Variants in DEPDC5 observed in about 807,000 individuals in gnomAD.
The protein encoded by DEPDC5 is DEP domain containing 5, GATOR1 subcomplex subunit.
In DEPDC5, 73 loss-of-function variants were observed where a neutral mutation model predicts 217.3. That is an observed-to-expected ratio of 0.34 (90% CI 0.28 to 0.41). The LOEUF (loss-of-function observed/expected upper bound fraction) is 0.41. DEPDC5 is among the 10% of genes least tolerant of loss of function. The pLI is 1.00. For synonymous variants in DEPDC5, 733 were observed against 756.7 expected, an observed-to-expected ratio of 0.97 and a Z score of 0.51; for missense variants, 1,675 against 2,070.1, an observed-to-expected ratio of 0.81 and a Z score of 3.70.
intron 40 of DEPDC5, among the ~76,000 whole-genome samples, chr22:31,898,121 G>A (rs1252384312): frequency 3.9e-5 from 6 of 152,190 alleles, no homozygotes; most frequent in African/African-American, 1.4e-4. Context: ...GTGCAAAGCT[G>A]TGGCATGTCA....
chr22:31,781,637 C>T (rs2148375378), intron 8 of DEPDC5, among the ~76,000 whole-genome samples: 1 of 152,148 alleles, frequency 6.6e-6, no homozygotes, highest in East Asian at 1.9e-4. Context: ...ACCATGTTGC[C>T]CAGGCTGGTC....
intron 22 of DEPDC5, among the ~76,000 whole-genome samples, chr22:31,819,903 TA>T (rs1385674000): frequency 6.6e-6 from 1 of 152,160 alleles, no homozygotes; most frequent in Non-Finnish European, 1.5e-5. Flanking sequence ...TACAAGGAGT[TA>T]TGTTGTTTTG....
rs758035240 is a variant in DEPDC5 at position 31,783,955 on chromosome 22, A to G, written c.532A>G (p.Ser178Gly). 6.8e-6 allele frequency: 11 copies of G among 1,613,506 alleles called. No homozygotes were observed. In the African/African-American group the frequency reaches 1.5e-4, roughly 22 times the overall value. Residue 178 changes from serine (S) to glycine (G), a missense_variant, in exon 9 of 43, where the codon AGC becomes GGC. Coordinates refer to ENST00000651528, the MANE Select transcript of DEPDC5 (RefSeq NM_001242896.3). ...SAMVYIFIQM[S>G]CEMWDFDIYG... ...TATGGTTTACATATTTATTCAGATGAGCTGTGAAATGTGGGATTTTGATAT... is the reference window on the plus strand; with the variant it reads ...TATGGTTTACATATTTATTCAGATGGGCTGTGAAATGTGGGATTTTGATAT...
chr22:31,805,532 A>T (rs2087408541), intron 17 of DEPDC5, among the ~76,000 whole-genome samples: 1 of 145,984 alleles, frequency 6.9e-6, no homozygotes, highest in Admixed American at 6.9e-5. Flanking sequence ...ACGGAGTTTC[A>T]CTCTGTCACC....
chr22:31,792,942 C>G (rs947906980), intron 12 of DEPDC5, 125 bp downstream of exon 12: 32 of 723,770 alleles, frequency 4.4e-5, no homozygotes, highest in Non-Finnish European at 5.9e-5. Flanking sequence ...AAAAATTCGC[C>G]TCTTGTGGTC....
intron 27 of DEPDC5, among the ~76,000 whole-genome samples, chr22:31,842,313 C>T (rs2091441700): frequency 6.6e-6 from 1 of 152,244 alleles, no homozygotes; most frequent in African/African-American, 2.4e-5. Context: ...CGGTGGCTCA[C>T]GCCTGTAATC....
chr22:31,806,212 A>G lies in DEPDC5; in HGVS notation c.1287+21A>G, dbSNP rs999310575. The G allele has an allele frequency of 3.7e-6, 6 of 1,605,182 alleles. No homozygotes were observed. In the Admixed American group the frequency reaches 5.0e-5, roughly 13 times the overall value. On this transcript the variant is annotated intron_variant, in intron 18 of 42. Transcript: ENST00000651528. Reference sequence around the variant, plus strand: ...AGAAGGTAGGTTTTTATTTTTGTTAAGACGGGGTCTTATTATGTGGTCCAG... The same window carrying G: ...AGAAGGTAGGTTTTTATTTTTGTTAGGACGGGGTCTTATTATGTGGTCCAG...
At chr22:31,884,563 A>G (rs1285214230) in intron 38 of DEPDC5, among the ~76,000 whole-genome samples, 1 of 152,138 alleles carries the variant, frequency 6.6e-6, no homozygotes, top group Non-Finnish European at 1.5e-5. Context: ...TTTTAAAATC[A>G]GTTTCCTTTG....
chr22:31,877,925 C>T (rs540436250), intron 37 of DEPDC5, among the ~76,000 whole-genome samples: 79 of 151,974 alleles, frequency 5.2e-4, no homozygotes, highest in Non-Finnish European at 9.7e-4. Context: ...CGGTGGCTCA[C>T]GCCTGTAATC....
chr22:31,845,237 G>A lies in DEPDC5; in HGVS notation c.3021G>A (p.Arg1007=). Residue 1007 remains arginine (R), a splice_region_variant and synonymous_variant, in exon 30 of 43, where the codon CGG becomes CGA. Transcript: ENST00000651528. ...GGCATCGCTCGGATCGCATGATGCG[G>A]GTAAGGGCTCCTTAGACTCAGGGAG... is the stretch of plus-strand genomic sequence containing the variant. The part of the protein sequence containing the change: ...RRRHRSDRMM[R]KGTAMKGLQM... The A allele has an allele frequency of 5.0e-6, 8 of 1,612,718 alleles. No individual in the cohort carries two copies. The highest frequency in any genetic ancestry group is 6.8e-6 in the Non-Finnish European group (8 of 1,179,394).
chr22:31,804,292 C>T lies in DEPDC5; in HGVS notation c.1143+69C>T, dbSNP rs138239185. 2.0e-4 allele frequency: 299 copies of T among 1,490,078 alleles called. No homozygotes were observed. The African/African-American group carries it at 2.9e-3, about 15-fold the overall frequency. The allele number at this position is 1,490,078 out of a possible 1,614,324, so 92.3% of individuals were successfully genotyped here. A position where few individuals can be genotyped will look rare whatever the true frequency, so the allele number is the denominator to read the frequency against. On this transcript the variant is annotated intron_variant, in intron 16 of 42. Coordinates refer to ENST00000651528, the MANE Select transcript of DEPDC5 (RefSeq NM_001242896.3). The stretch of plus-strand genomic sequence containing the variant: ...TAGTTAGAAAGAGAAAAATTCCAGG[C>T]GCTGTGGCATGCACTTATAGTCCCA...
intron 20 of DEPDC5, among the ~76,000 whole-genome samples, chr22:31,812,420 C>CTTTTTTT (rs57618137): frequency 3.1e-3 from 307 of 98,232 alleles, no homozygotes; most frequent in Middle Eastern, 9.1e-3. Context: ...TTCCATATTT[C>CTTTTTTT]TTTTTTTTTT....
In DEPDC5 at chr22:31,905,865, A is replaced by G. The variant is rs2093748844; in HGVS notation, c.4437-119A>G. On this transcript the variant is annotated intron_variant, in intron 41 of 42. Coordinates refer to ENST00000651528, the MANE Select transcript of DEPDC5 (RefSeq NM_001242896.3). Reference sequence around the variant, plus strand: ...AGCAGCCTGCATGTGCAATCTGGAAAGAGATCTTTCCAGATCTCTGTGTCT... The same window carrying G: ...AGCAGCCTGCATGTGCAATCTGGAAGGAGATCTTTCCAGATCTCTGTGTCT... The G allele has an allele frequency of 3.8e-5, 34 of 888,450 alleles. No homozygotes were observed. The South Asian group carries it at 5.6e-4, about 15-fold the overall frequency. 55.0% of individuals were successfully genotyped at this position (888,450 alleles called of 1,614,324 possible).
At chr22:31,904,142 C>T (rs1449899934) in intron 41 of DEPDC5, among the ~76,000 whole-genome samples, 2 of 147,166 alleles carry the variant, frequency 1.4e-5, no homozygotes, top group African/African-American at 2.7e-5. Context: ...TCATCTTCCT[C>T]AGCCCCTAGG....
At chr22:31,812,492 T>A (rs2088513531) in intron 20 of DEPDC5, among the ~76,000 whole-genome samples, 1 of 144,248 alleles carries the variant, frequency 6.9e-6, no homozygotes, top group Non-Finnish European at 1.5e-5. Flanking sequence ...TGGCGCGATC[T>A]CGGCTCACTG....
At position 31,783,912 on chromosome 22, in the gene DEPDC5, G is replaced by A. The variant is rs750213306; in HGVS notation, c.489G>A (p.Val163=). The A allele has an allele frequency of 6.2e-7, 1 of 1,612,292 alleles. No individual in the cohort carries two copies. Residue 163 remains valine, a synonymous_variant, in exon 9 of 43, where the codon GTG becomes GTA. Transcript: ENST00000651528. ...CAATTGTGTTTTTATTTCAGGTGGT[G>A]TTTCGTTCTACGTCGGCTATGGTTT... ...CGYISEDTRV[V]FRSTSAMVYI... is the part of the protein sequence containing the mutation.
intron 21 of DEPDC5, among the ~76,000 whole-genome samples, chr22:31,818,182 C>T (rs1321660241): frequency 6.6e-6 from 1 of 152,194 alleles, no homozygotes; most frequent in Non-Finnish European, 1.5e-5. Context: ...GACCTGTCTA[C>T]CATTGCGCCA....
chr22:31,841,092 A>G (rs1254119777), intron 27 of DEPDC5, among the ~76,000 whole-genome samples: 7 of 152,210 alleles, frequency 4.6e-5, no homozygotes, highest in African/African-American at 1.7e-4. Flanking sequence ...ATGAATGAAG[A>G]AGGAATGCTT....
intron 21 of DEPDC5, chr22:31,817,043 A>T: frequency 6.4e-6 from 1 of 156,060 alleles, no homozygotes. Flanking sequence ...ACCACCTACT[A>T]TCTCCATCAT....
Sources: gnomAD v4.1 joint callset for allele counts (sites outside exome capture counted in the v4.1 genomes callset) on GRCh38, gnomAD v4.1.1 for gene constraint, MANE v1.5 for transcripts, NCBI Gene and HGNC (gene_info 2026-07-23, HGNC 2026-07-21) for gene names.